Variants in DTX4 observed in about 807,000 individuals in gnomAD.
The protein encoded by DTX4 is deltex E3 ubiquitin ligase 4.
In DTX4, 28 loss-of-function variants were observed where a neutral mutation model predicts 57.6. The observed-to-expected ratio is 0.49, with a 90% CI of 0.36 to 0.67. The LOEUF (loss-of-function observed/expected upper bound fraction) is 0.67, where lower values mean the gene tolerates loss of function less well. Ranked by LOEUF, DTX4 falls within the 30% of genes least tolerant of loss-of-function variation. DTX4 has a pLI of 0.00. For synonymous variants in DTX4, 316 were observed against 331.0 expected (o/e 0.95, Z 0.49); for missense variants, 715 against 836.8 (o/e 0.85, Z 1.80).
rs992629909 is a variant in DTX4 at position 59,181,769 on chromosome 11, A to G, written c.242A>G (p.Tyr81Cys). ...CTCCGCCCAGTTCGCCGCAACTACTACGACCCCTCCTCGGCCCCTGGGAAG... is the reference window on the plus strand; with the variant it reads ...CTCCGCCCAGTTCGCCGCAACTACTGCGACCCCTCCTCGGCCCCTGGGAAG... ...GTLRPVRRNY[Y>C]DPSSAPGKGV... is the part of the protein sequence containing the mutation. The change falls in exon 2 of 9, where the codon TAC becomes TGC. Residue 81 changes from tyrosine to cysteine, a missense_variant. By Grantham distance (194) the Tyr-to-Cys change is radical. Coordinates refer to ENST00000227451, the MANE Select transcript of DTX4 (RefSeq NM_015177.2). The G allele has an allele frequency of 1.2e-6, 2 of 1,612,064 alleles. No individual in the cohort carries two copies. The highest frequency in any genetic ancestry group is 8.5e-7 in the Non-Finnish European group (1 of 1,178,728).
chr11:59,194,221 A>G (rs1255906860), intron 6 of DTX4, among the ~76,000 whole-genome samples: 1 of 152,174 alleles, frequency 6.6e-6, no homozygotes, highest in African/African-American at 2.4e-5. Flanking sequence ...TCTCTACAAA[A>G]AGGGGCTAAT....
At chr11:59,203,075 A>T (rs1443710253) in intron 8 of DTX4, among the ~76,000 whole-genome samples, 1 of 152,250 alleles carries the variant, frequency 6.6e-6, no homozygotes, top group Non-Finnish European at 1.5e-5. Flanking sequence ...CACGAATGGT[A>T]CTTGCAGGAC....
At chr11:59,177,733 T>C (rs1862412952) in intron 1 of DTX4, among the ~76,000 whole-genome samples, 1 of 152,232 alleles carries the variant, frequency 6.6e-6, no homozygotes, top group Non-Finnish European at 1.5e-5. Flanking sequence ...TCCCTTCTTC[T>C]GAAACACTGT....
intron 7 of DTX4, among the ~76,000 whole-genome samples, chr11:59,196,951 C>T (rs1862679681): frequency 6.6e-6 from 1 of 152,158 alleles, no homozygotes; most frequent in Admixed American, 6.5e-5. Context: ...AACCATCCCC[C>T]ACCACCCCGG....
At chr11:59,188,249 C>T (rs540112489) in intron 2 of DTX4, among the ~76,000 whole-genome samples, 12 of 151,844 alleles carry the variant, frequency 7.9e-5, no homozygotes, top group African/African-American at 2.9e-4. Flanking sequence ...GGAGTCCTGG[C>T]GTGGGATGGA....
intron 1 of DTX4, among the ~76,000 whole-genome samples, chr11:59,178,249 AG>A (rs937796812): frequency 2.6e-5 from 4 of 151,544 alleles, no homozygotes; most frequent in Non-Finnish European, 4.4e-5. Context: ...TTAGGCTATG[AG>A]GGGGCCATGT....
chr11:59,198,953 T>G (rs1328820495), intron 7 of DTX4, among the ~76,000 whole-genome samples: 1 of 152,214 alleles, frequency 6.6e-6, no homozygotes, highest in Non-Finnish European at 1.5e-5. Flanking sequence ...CTCACTCAAT[T>G]GTGCTTCAGT....
intron 7 of DTX4, among the ~76,000 whole-genome samples, chr11:59,196,785 T>C (rs60028658): frequency 0.014 from 2,117 of 152,294 alleles, 50 homozygotes; most frequent in African/African-American, 0.044. Flanking sequence ...TCTCCCATCA[T>C]GCCCAGATGA....
At chr11:59,203,421 A>T (rs963183430) in intron 8 of DTX4, among the ~76,000 whole-genome samples, 1 of 152,068 alleles carries the variant, frequency 6.6e-6, no homozygotes, top group African/African-American at 2.4e-5. Flanking sequence ...TTTGTTTAAA[A>T]TGAACACACG....
rs1862339063 is a variant in DTX4 at position 59,172,507 on chromosome 11, C to T, written c.-89C>T. 1 of 879,882 alleles carries T rather than the reference C, an allele frequency of 1.1e-6. No homozygotes were observed. The highest frequency in any genetic ancestry group is 1.5e-6 in the Non-Finnish European group (1 of 680,932). 54.5% of individuals were successfully genotyped at this position (879,882 alleles called of 1,614,324 possible). A position where few individuals can be genotyped will look rare whatever the true frequency, so the allele number is the denominator to read the frequency against. Reference sequence around the variant, plus strand: ...CGGGGCAGGGGGCGCGGTCGAGGCCCGGAGGCGGCGGCGCAGGAGGAAGCG... The same window carrying T: ...CGGGGCAGGGGGCGCGGTCGAGGCCTGGAGGCGGCGGCGCAGGAGGAAGCG... On this transcript the variant is annotated 5_prime_UTR_variant, in exon 1 of 9. Coordinates refer to ENST00000227451, the MANE Select transcript of DTX4 (RefSeq NM_015177.2).
chr11:59,200,969 C>T (rs1862733961), intron 8 of DTX4, among the ~76,000 whole-genome samples: 1 of 152,222 alleles, frequency 6.6e-6, no homozygotes, highest in Admixed American at 6.6e-5. Flanking sequence ...GTGTCTTAGT[C>T]TGTTCTGGCT....
intron 4 of DTX4, among the ~76,000 whole-genome samples, chr11:59,190,010 T>C (rs1041543345): frequency 2.0e-5 from 3 of 152,124 alleles, no homozygotes; most frequent in Non-Finnish European, 4.4e-5. Context: ...GCTTGTGAAG[T>C]TTAAATTGGA....
chr11:59,192,318 G>A (rs1862610473), intron 6 of DTX4, 68 bp downstream of exon 6: 27 of 1,565,052 alleles, frequency 1.7e-5, no homozygotes, highest in Non-Finnish European at 2.4e-5. Flanking sequence ...GATGGTGAAG[G>A]CCCTTTAGGG....
Position 59,206,508 on chromosome 11 carries a change from C to CATATATATATAT in DTX4, c.*1599_*1600insATATATATATAT, listed in dbSNP as rs1412393714. The CATATATATATAT allele has an allele frequency of 1.3e-5, 1 of 75,708 alleles. No individual in the cohort carries two copies. Among genetic ancestry groups the CATATATATATAT allele is most frequent in the East Asian group, 3.4e-4 (1 of 2,902 alleles). 4.7% of individuals were successfully genotyped at this position (75,708 alleles called of 1,614,324 possible). A position where few individuals can be genotyped will look rare whatever the true frequency, so the allele number is the denominator to read the frequency against. ...TATACCTCATGTTTTGGGGGTTTGACGTATATATATATATATATATATGCA... is the reference window on the plus strand; with the variant it reads ...TATACCTCATGTTTTGGGGGTTTGACATATATATATATGTATATATATATATATATATATGCA... On this transcript the variant is annotated 3_prime_UTR_variant, in exon 9 of 9. Coordinates refer to ENST00000227451, the MANE Select transcript of DTX4 (RefSeq NM_015177.2).
chr11:59,184,850 T>C (rs1276335301), intron 2 of DTX4, among the ~76,000 whole-genome samples: 1 of 152,212 alleles, frequency 6.6e-6, no homozygotes. Flanking sequence ...CCTTTGCTTT[T>C]CACCTCTTAC....
Position 59,195,264 on chromosome 11 carries a change from C to T in DTX4, c.1431C>T (p.Thr477=). 1 of 1,613,930 alleles carries T rather than the reference C, an allele frequency of 6.2e-7. No individual in the cohort carries two copies. The highest frequency in any genetic ancestry group is 1.1e-5 in the South Asian group (1 of 91,082). ...CCATTTATGGGGTGAAGACAGGCAC[C>T]CAACCTCCAGGGAAGATGGAGTACC... ...CKTIYGVKTG[T]QPPGKMEYHL... is the part of the protein sequence containing the mutation. The change falls in exon 7 of 9, where the codon ACC becomes ACT. Residue 477 remains threonine, a synonymous_variant. Coordinates refer to ENST00000227451, the MANE Select transcript of DTX4 (RefSeq NM_015177.2).
At chr11:59,186,553 G>A (rs1862531610) in intron 2 of DTX4, among the ~76,000 whole-genome samples, 1 of 152,218 alleles carries the variant, frequency 6.6e-6, no homozygotes, top group Non-Finnish European at 1.5e-5. Flanking sequence ...GCCATAAGTG[G>A]AGGACTCAGG....
intron 2 of DTX4, among the ~76,000 whole-genome samples, chr11:59,187,025 G>A (rs1282669523): frequency 1.3e-5 from 2 of 152,218 alleles, no homozygotes; most frequent in South Asian, 2.1e-4. Context: ...GCCCCAGGCA[G>A]GCTCAAAGTA....
chr11:59,207,055 A>G lies in DTX4; in HGVS notation c.*2146A>G, dbSNP rs1034770099. On this transcript the variant is annotated 3_prime_UTR_variant, in exon 9 of 9. Coordinates refer to ENST00000227451, the MANE Select transcript of DTX4 (RefSeq NM_015177.2). The stretch of plus-strand genomic sequence containing the variant: ...GTTACCATGTACAGAGATTACTTGG[A>G]GAGCCTCATGCCGTCTCTACCTTCG... 3 of 152,248 alleles carry G rather than the reference A, an allele frequency of 2.0e-5. No individual in the cohort carries two copies. Among genetic ancestry groups the G allele is most frequent in the Admixed American group, 2.0e-4 (3 of 15,284 alleles). 9.4% of individuals were successfully genotyped at this position (152,248 alleles called of 1,614,324 possible).
Sources: allele counts gnomAD v4.1 joint callset (sites outside exome capture counted in the v4.1 genomes callset), GRCh38; gene constraint gnomAD v4.1.1; transcripts MANE v1.5; gene names NCBI Gene and HGNC (gene_info 2026-07-23, HGNC 2026-07-21).